INSR: variants seen among roughly 807,000 people sequenced by gnomAD.
INSR encodes the protein IR.
A neutral mutation model predicts 142.6 loss-of-function variants in INSR; 67 were observed. That is an observed-to-expected ratio of 0.47 (90% CI 0.39 to 0.58). INSR has a LOEUF of 0.58. Among genes scored for constraint, INSR ranks in the 20% least tolerant of loss-of-function variants. The pLI, the probability that INSR is intolerant of heterozygous loss-of-function variation, is 0.00. For synonymous variants in INSR, 756 were observed against 743.1 expected, an observed-to-expected ratio of 1.02 and a Z score of -0.28; for missense variants, 1,248 against 1,833.2, an observed-to-expected ratio of 0.68 and a Z score of 5.83.
chr19:7,220,501 C>G (rs887306042), intron 2 of INSR, among the ~76,000 whole-genome samples: 6 of 152,096 alleles, frequency 3.9e-5, no homozygotes, highest in Admixed American at 3.9e-4. Flanking sequence ...GTTGGCCAGG[C>G]TGGTCTCGAA....
chr19:7,255,115 C>A (rs1460484100), intron 2 of INSR, among the ~76,000 whole-genome samples: 1 of 151,178 alleles, frequency 6.6e-6, no homozygotes, highest in Non-Finnish European at 1.5e-5. Context: ...ACAGCATCAT[C>A]TCTGGGGCAG....
intron 2 of INSR, among the ~76,000 whole-genome samples, chr19:7,205,100 G>A (rs1975072336): frequency 6.6e-6 from 1 of 152,122 alleles, no homozygotes. Flanking sequence ...AAGTTTACTA[G>A]GCAGCAAAAC....
At chr19:7,207,752 T>A (rs1334607775) in intron 2 of INSR, among the ~76,000 whole-genome samples, 1 of 151,870 alleles carries the variant, frequency 6.6e-6, no homozygotes, top group Non-Finnish European at 1.5e-5. Flanking sequence ...GCAAGACCCA[T>A]CTCTACAAAC....
At chr19:7,179,570 G>C (rs1974223713) in intron 3 of INSR, among the ~76,000 whole-genome samples, 1 of 152,230 alleles carries the variant, frequency 6.6e-6, no homozygotes, top group Non-Finnish European at 1.5e-5. Context: ...CAGTGGGCTG[G>C]GAGCCAAATC....
At chr19:7,137,762 G>A (rs962206841) in intron 13 of INSR, among the ~76,000 whole-genome samples, 40 of 117,130 alleles carry the variant, frequency 3.4e-4, no homozygotes, top group Non-Finnish European at 5.9e-4. Context: ...ACTCCAGCCC[G>A]GATGACAGGA....
intron 1 of INSR, among the ~76,000 whole-genome samples, chr19:7,289,823 G>A (rs1038766934): frequency 6.6e-6 from 1 of 152,176 alleles, no homozygotes; most frequent in Non-Finnish European, 1.5e-5. Context: ...GACATTAGTG[G>A]TTGTCATGCC....
chr19:7,273,079 G>A (rs1967968526), intron 1 of INSR, among the ~76,000 whole-genome samples: 1 of 152,170 alleles, frequency 6.6e-6, no homozygotes, highest in Non-Finnish European at 1.5e-5. Context: ...GGTCACAGTT[G>A]CACAACTGTA....
Position 7,114,739 on chromosome 19 carries a change from C to T in INSR, c.*2317G>A, listed in dbSNP as rs78042782. ...CTTTGATAAAAATTTACATGCGCTCCATTTTTTATGAGAGTGATTTTCAGA... is the reference window on the plus strand; with the variant it reads ...CTTTGATAAAAATTTACATGCGCTCTATTTTTTATGAGAGTGATTTTCAGA... On this transcript the variant is annotated 3_prime_UTR_variant, in exon 22 of 22. Transcript: ENST00000302850. 1.3e-5 allele frequency: 2 copies of T among 152,608 alleles called. No homozygotes were observed. Among genetic ancestry groups the T allele is most frequent in the African/African-American group, 2.4e-5 (1 of 41,510 alleles). 9.5% of individuals were successfully genotyped at this position (152,608 alleles called of 1,614,324 possible).
chr19:7,122,497 AG>A, intron 19 of INSR, 116 bp downstream of exon 19: 5 of 1,045,414 alleles, frequency 4.8e-6, no homozygotes, highest in Non-Finnish European at 7.1e-6. Flanking sequence ...AAAAAAAAGA[AG>A]TATCTTGCCC....
chr19:7,155,469 C>T (rs149095244), intron 9 of INSR, among the ~76,000 whole-genome samples: 80 of 146,822 alleles, frequency 5.4e-4, no homozygotes, highest in African/African-American at 1.9e-3. Context: ...ACCTGGAAGG[C>T]GGAGGTTGCA....
intron 11 of INSR, among the ~76,000 whole-genome samples, chr19:7,147,251 T>G (rs1448282720): frequency 6.6e-6 from 1 of 152,064 alleles, no homozygotes; most frequent in Non-Finnish European, 1.5e-5. Context: ...CTCGGCTCAC[T>G]GCAACCTCCA....
chr19:7,192,140 AAGAG>A lies in INSR; in HGVS notation c.653-7507_653-7504del, dbSNP rs796644926. 1.9e-4 allele frequency among the ~76,000 whole-genome samples: 28 copies of A among 148,328 alleles called. No homozygotes were observed. Among genetic ancestry groups the A allele is most frequent in the African/African-American group, 5.8e-4 (23 of 39,956 alleles). On this transcript the variant is annotated intron_variant, in intron 2 of 21. Coordinates refer to ENST00000302850, the MANE Select transcript of INSR (RefSeq NM_000208.4). The surrounding 1 kb of genome is among the most constrained non-coding windows in gnomAD (Gnocchi z 4.2). ...AGAAAGAGGGAGAAAGAAGAAAGAT[AAGAG>A]AGAGAGAAAGAGAAAGAAAAAGAAA...
rs1972231911 is a variant in INSR at position 7,112,520 on chromosome 19, G to C, written c.*4536C>G. 1 of 152,202 alleles carries C rather than the reference G, an allele frequency of 6.6e-6. No homozygotes were observed. 9.4% of individuals were successfully genotyped at this position (152,202 alleles called of 1,614,324 possible). On this transcript the variant is annotated 3_prime_UTR_variant, in exon 22 of 22. Coordinates refer to ENST00000302850, the MANE Select transcript of INSR (RefSeq NM_000208.4). ...GCCACCCAGGCACACAAAGGGACGA[G>C]GAGAAGCAACTTTCAGGCAAAGTGT...
Position 7,120,695 on chromosome 19 carries a change from T to C in INSR, c.3584A>G (p.Lys1195Arg), listed in dbSNP as rs1268576076. ...YETDYYRKGGKGLLPVRWMAP... is the reference protein window; with the variant it reads ...YETDYYRKGGRGLLPVRWMAP... ...CATCCACCGTACAGGGAGCAGACCC[T>C]TGCCCCCTTTCCGGTAGTAATCCGT... The change falls in exon 20 of 22, where the codon AAG becomes AGG. Residue 1195 changes from lysine (K) to arginine (R), a missense_variant. Around this residue, in one of 3 missense-constraint regions of INSR, gnomAD observed 1,069 missense variants for 1,654.0 expected, o/e 0.65. Transcript: ENST00000302850. The C allele has an allele frequency of 6.2e-7, 1 of 1,613,876 alleles. No homozygotes were observed. Among genetic ancestry groups the C allele is most frequent in the Non-Finnish European group, 8.5e-7 (1 of 1,179,856 alleles).
At chr19:7,184,218 C>A in intron 3 of INSR, 98 bp downstream of exon 3, 1 of 1,100,202 alleles carries the variant, frequency 9.1e-7, no homozygotes, top group Admixed American at 1.9e-5. Context: ...GCCAATTAAC[C>A]CTGGGTTTGC....
At chr19:7,243,538 A>G (rs1348515033) in intron 2 of INSR, among the ~76,000 whole-genome samples, 1 of 151,966 alleles carries the variant, frequency 6.6e-6, no homozygotes, top group Non-Finnish European at 1.5e-5. Context: ...GAGCCACCGC[A>G]CCTGGCCTAA....
chr19:7,272,128 C>T (rs1316794905), intron 1 of INSR, among the ~76,000 whole-genome samples: 1 of 152,008 alleles, frequency 6.6e-6, no homozygotes, highest in Non-Finnish European at 1.5e-5. Flanking sequence ...CATGGTGAAA[C>T]CCCATCTCTA....
intron 9 of INSR, among the ~76,000 whole-genome samples, chr19:7,154,300 CT>C (rs762914829): frequency 0.034 from 3,658 of 107,210 alleles, 30 homozygotes; most frequent in African/African-American, 0.052. Context: ...ACCACAATTA[CT>C]TTTTTTTTTT....
chr19:7,172,812 C>A (rs111401248), intron 4 of INSR, among the ~76,000 whole-genome samples: 27 of 150,820 alleles, frequency 1.8e-4, no homozygotes, highest in African/African-American at 6.6e-4. Flanking sequence ...GCAGGTGGAT[C>A]ACTTGAGGTC....
Sources: allele counts gnomAD v4.1 joint callset (sites outside exome capture counted in the v4.1 genomes callset), GRCh38; gene constraint gnomAD v4.1.1; regional missense constraint gnomAD v4.1.1; non-coding constraint Gnocchi (gnomAD v3.1); transcripts MANE v1.5; gene names NCBI Gene and HGNC (gene_info 2026-07-23, HGNC 2026-07-21).